The following WIZ variants were observed in gnomAD, a reference collection of about 807,000 sequenced individuals.
WIZ encodes the protein WIZ zinc finger.
Under a neutral mutation model 140.2 loss-of-function variants are expected in WIZ, and 25 were observed. That is an observed-to-expected ratio of 0.18 (90% CI 0.13 to 0.25). The LOEUF (loss-of-function observed/expected upper bound fraction) is 0.25. Among genes scored for constraint, WIZ ranks in the 10% least tolerant of loss-of-function variants. The probability of loss-of-function intolerance (pLI) is 1.00; values close to 1 mark genes in which losing one functional copy is unlikely to be tolerated. For missense variants in WIZ, 2,231 were observed against 2,632.6 expected, an observed-to-expected ratio of 0.85 and a Z score of 3.34; for synonymous variants, 1,125 against 1,154.3, an observed-to-expected ratio of 0.97 and a Z score of 0.51.
chr19:15,430,313 A>G (rs565237196), intron 6 of WIZ, among the ~76,000 whole-genome samples: 39 of 152,366 alleles, frequency 2.6e-4, no homozygotes, highest in Non-Finnish European at 5.1e-4. Context: ...AGTTGTGCCC[A>G]AGGGCACACA....
At chr19:15,434,058 C>A (rs1469721752) in intron 5 of WIZ, among the ~76,000 whole-genome samples, 1 of 151,870 alleles carries the variant, frequency 6.6e-6, no homozygotes, top group African/African-American at 2.4e-5. Context: ...AGTTTGAGAC[C>A]AGCCTGGACA....
At position 15,424,170 on chromosome 19, in the gene WIZ, A is replaced by T; in HGVS notation, c.5510+13T>A. The T allele has an allele frequency of 6.7e-7, 1 of 1,498,236 alleles. No homozygotes were observed. Among genetic ancestry groups the T allele is most frequent in the Non-Finnish European group, 8.9e-7 (1 of 1,124,570 alleles). 92.8% of individuals were successfully genotyped at this position (1,498,236 alleles called of 1,614,324 possible). On this transcript the variant is annotated intron_variant, in intron 12 of 12. Coordinates refer to ENST00000673675, the MANE Select transcript of WIZ (RefSeq NM_001371589.1). The surrounding 1 kb of genome is among the most constrained non-coding windows in gnomAD (Gnocchi z 9.7). ...CTCAGGTGGTCTCCCTCCCTCCCCC[A>T]GGGGCAGCCTACCTGCATTTGAGGG...
Position 15,444,574 on chromosome 19 carries a change from G to A in WIZ, c.206-1826C>T, listed in dbSNP as rs553015204. Among the ~76,000 whole-genome samples, 7 of 152,228 alleles carry A rather than the reference G, an allele frequency of 4.6e-5. No homozygotes were observed. In the South Asian group the frequency reaches 1.2e-3, roughly 27 times the overall value. On this transcript the variant is annotated intron_variant, in intron 2 of 12. Transcript: ENST00000673675. ...CAAAGTGTCCCCTGGAGGGGGAGGC[G>A]AATCACCCCCATTTGAGAACCACCA...
Position 15,438,683 on chromosome 19 carries a change from G to A in WIZ, c.2311C>T (p.His771Tyr). ...TAGCTGACGCCCACGCGGTTCAGGT[G>A]GCCCCGGACGTGGTTGGCCAAGCCG... Reference protein sequence around the residue: ...GIGLANHVRGHLNRVGVSYNV... With the variant: ...GIGLANHVRGYLNRVGVSYNV... The change falls in exon 4 of 13, where the codon CAC becomes TAC. Residue 771 changes from histidine (H) to tyrosine (Y), a missense_variant. This residue lies in a region of WIZ where 118 missense variants were observed against 209.1 expected (regional missense o/e 0.56). Coordinates refer to ENST00000673675, the MANE Select transcript of WIZ (RefSeq NM_001371589.1). 1 of 1,536,170 alleles carries A rather than the reference G, an allele frequency of 6.5e-7. No homozygotes were observed. The highest frequency in any genetic ancestry group is 8.7e-7 in the Non-Finnish European group (1 of 1,146,880).
chr19:15,446,048 C>A (rs1969908236), intron 2 of WIZ, among the ~76,000 whole-genome samples: 1 of 152,164 alleles, frequency 6.6e-6, no homozygotes, highest in African/African-American at 2.4e-5. Context: ...CCCAGGCATT[C>A]TTCCAACATT....
In WIZ at chr19:15,428,292, T is replaced by G. The variant is rs1051330243; in HGVS notation, c.3632A>C (p.His1211Pro). The change falls in exon 8 of 13, where the codon CAC becomes CCC. Residue 1211 changes from histidine (H) to proline (P), a missense_variant. Transcript: ENST00000673675. The surrounding 1 kb of genome is among the most constrained non-coding windows in gnomAD (Gnocchi z 6.4). The stretch of plus-strand genomic sequence containing the variant: ...GGAGGTGGGAGGCGGCCGCCCCGGG[T>G]GGGCCAGGGCGCCGCGCCTGGGTGG... ...RLPPRRGALA[H>P]PGRPPPTSAA... 1 of 1,528,378 alleles carries G rather than the reference T, an allele frequency of 6.5e-7. No homozygotes were observed. Among genetic ancestry groups the G allele is most frequent in the Non-Finnish European group, 8.7e-7 (1 of 1,143,912 alleles). 94.7% of individuals were successfully genotyped at this position (1,528,378 alleles called of 1,614,324 possible).
chr19:15,429,634 G>A lies in WIZ; in HGVS notation c.3367C>T (p.Pro1123Ser), dbSNP rs944010205. 117 of 1,419,604 alleles carry A rather than the reference G, an allele frequency of 8.2e-5. No homozygotes were observed. The highest frequency in any genetic ancestry group is 1.0e-4 in the Non-Finnish European group (110 of 1,089,800). The allele number at this position is 1,419,604 out of a possible 1,614,324, so 87.9% of individuals were successfully genotyped here. A position where few individuals can be genotyped will look rare whatever the true frequency, so the allele number is the denominator to read the frequency against. ...QLSLSPRPAS[P>S]KAQWPQSEDE... ...TCAGACTGAGGCCACTGTGCCTTTG[G>A]GGAGGCCGGCCGGGGGCTCAGGGAC... Residue 1123 changes from proline (P) to serine (S), a missense_variant, in exon 7 of 13, where the codon CCA (proline) becomes TCA (serine). Physicochemically the swap from Pro to Ser is moderately conservative, Grantham distance 74 (BLOSUM62 -1). This residue lies in a region of WIZ where 163 missense variants were observed against 166.8 expected (regional missense o/e 0.98). Transcript: ENST00000673675.
rs773445664 is a variant in WIZ, at chr19:15,427,539, G to C, written c.3815-6C>G. The stretch of plus-strand genomic sequence containing the variant: ...TGCTGGCTCTGGGCCTGAGGCTGCA[G>C]CAGGAGGAGAAAGGGGCAGTTAGCA... On this transcript the variant is annotated splice_region_variant and splice_polypyrimidine_tract_variant and intron_variant, in intron 8 of 12. Transcript: ENST00000673675. This position sits in a 1 kb window ranked among gnomAD's most constrained non-coding sequence, Gnocchi z 6.4. The C allele has an allele frequency of 6.2e-7, 1 of 1,600,764 alleles. No homozygotes were observed. The highest frequency in any genetic ancestry group is 2.2e-5 in the East Asian group (1 of 44,606).
At position 15,422,961 on chromosome 19, in the gene WIZ, G is replaced by C; in HGVS notation, c.*115C>G. On this transcript the variant is annotated 3_prime_UTR_variant, in exon 13 of 13. Transcript: ENST00000673675. ...CCCGGCCCCCAAGGGGCGCCGGTTTGAGGTTTTGGCTTGCTCCTTTGGAAA... is the reference window on the plus strand; with the variant it reads ...CCCGGCCCCCAAGGGGCGCCGGTTTCAGGTTTTGGCTTGCTCCTTTGGAAA... 6.8e-7 allele frequency: 1 copy of C among 1,462,230 alleles called. No homozygotes were observed. The highest frequency in any genetic ancestry group is 1.4e-5 in the South Asian group (1 of 73,262). 90.6% of individuals were successfully genotyped at this position (1,462,230 alleles called of 1,614,324 possible). A position where few individuals can be genotyped will look rare whatever the true frequency, so the allele number is the denominator to read the frequency against.
rs887069255 is a variant in WIZ at position 15,440,234 on chromosome 19, G to A, written c.760C>T (p.Leu254=). The change falls in exon 4 of 13, where the codon CTA becomes TTA. Residue 254 remains leucine, a synonymous_variant. Transcript: ENST00000673675. This position sits in a 1 kb window ranked among gnomAD's most constrained non-coding sequence, Gnocchi z 6.2. ...GCTACCTCCGAGGCTGACGTGGGTA[G>A]GCCCCACTCGGACGGCTGGGCCAGC... The part of the protein sequence containing the change: ...EGLAQPSEWG[L]PTSASEVATQ... 1 of 1,500,756 alleles carries A rather than the reference G, an allele frequency of 6.7e-7. No homozygotes were observed. Among genetic ancestry groups the A allele is most frequent in the Non-Finnish European group, 8.9e-7 (1 of 1,129,508 alleles). 93.0% of individuals were successfully genotyped at this position (1,500,756 alleles called of 1,614,324 possible).
At chr19:15,432,831 G>A (rs899463823) in intron 5 of WIZ, among the ~76,000 whole-genome samples, 4 of 151,566 alleles carry the variant, frequency 2.6e-5, no homozygotes, top group African/African-American at 7.3e-5. Context: ...AGGTTGGCCT[G>A]CCGAGTGCCG....
Position 15,428,647 on chromosome 19 carries a change from A to C in WIZ, c.3416-139T>G. 2 of 1,056,414 alleles carry C rather than the reference A, an allele frequency of 1.9e-6. No homozygotes were observed. The highest frequency in any genetic ancestry group is 2.7e-6 in the Non-Finnish European group (2 of 737,812). The allele number at this position is 1,056,414 out of a possible 1,614,324, so 65.4% of individuals were successfully genotyped here. ...AGACTCAGGCCGCAGATTTCTTTTG[A>C]AGTTTGGGAAGCAGGACATCCTGTT... is the stretch of plus-strand genomic sequence containing the variant. On this transcript the variant is annotated intron_variant, in intron 7 of 12. Coordinates refer to ENST00000673675, the MANE Select transcript of WIZ (RefSeq NM_001371589.1). The surrounding 1 kb of genome is among the most constrained non-coding windows in gnomAD (Gnocchi z 6.4).
chr19:15,428,137 C>T lies in WIZ; in HGVS notation c.3787G>A (p.Asp1263Asn), dbSNP rs1276052564. 1 of 1,534,418 alleles carries T rather than the reference C, an allele frequency of 6.5e-7. No individual in the cohort carries two copies. The highest frequency in any genetic ancestry group is 8.7e-7 in the Non-Finnish European group (1 of 1,146,768). ...AGGTTGAGAGGAGACGGCTCCACAT[C>T]AGAGGCCCAGAAAATGCCGGCGGCT... ...AAAAGIFWASDVEPSPLNLSS... is the reference protein window; with the variant it reads ...AAAAGIFWASNVEPSPLNLSS... The change falls in exon 8 of 13, where the codon GAT (aspartate) becomes AAT (asparagine). Residue 1263 changes from aspartate (D) to asparagine (N), a missense_variant. This residue lies in a region of WIZ where 141 missense variants were observed against 161.2 expected (regional missense o/e 0.87). Transcript: ENST00000673675. The surrounding 1 kb of genome is among the most constrained non-coding windows in gnomAD (Gnocchi z 6.4).
rs920896926 is a variant in WIZ, at chr19:15,439,674, G to A, written c.1320C>T (p.Ser440=). The A allele has an allele frequency of 1.9e-5, 28 of 1,501,258 alleles. No homozygotes were observed. The highest frequency in any genetic ancestry group is 2.5e-5 in the South Asian group (2 of 79,880). The allele number at this position is 1,501,258 out of a possible 1,614,324, so 93.0% of individuals were successfully genotyped here. ...QTTKEPFGGS[S]GAGSPSPEAS... is the part of the protein sequence containing the mutation. ...CCTCAGGGCTGGGGCTGCCAGCCCC[G>A]CTGCTGCCTCCAAAAGGCTCTTTGG... The change falls in exon 4 of 13, where the codon AGC becomes AGT. Residue 440 remains serine (S), a synonymous_variant. Coordinates refer to ENST00000673675, the MANE Select transcript of WIZ (RefSeq NM_001371589.1). This position sits in a 1 kb window ranked among gnomAD's most constrained non-coding sequence, Gnocchi z 7.0.
At chr19:15,423,681 C>T (rs1362585128) in intron 12 of WIZ, among the ~76,000 whole-genome samples, 1 of 152,224 alleles carries the variant, frequency 6.6e-6, no homozygotes, top group African/African-American at 2.4e-5. Flanking sequence ...ACTCTGACTT[C>T]TGACTTGGCC....
rs1422111724 is a variant in WIZ at position 15,429,751 on chromosome 19, G to A, written c.3250C>T (p.His1084Tyr). Residue 1084 changes from histidine (H) to tyrosine (Y), a missense_variant, in exon 7 of 13, where the codon CAC (histidine) becomes TAC (tyrosine). This residue lies in a region of WIZ where 163 missense variants were observed against 166.8 expected (regional missense o/e 0.98). Transcript: ENST00000673675. ...TTGAGGAGTGGAGAGCTGGGCGGGT[G>A]GCCCAGGCCCTTGGCCGAGAAGCCG... Reference protein sequence around the residue: ...PPGFSAKGLGHPPSSPLLKKT... With the variant: ...PPGFSAKGLGYPPSSPLLKKT... 18 of 1,487,984 alleles carry A rather than the reference G, an allele frequency of 1.2e-5. No individual in the cohort carries two copies. Among genetic ancestry groups the A allele is most frequent in the Non-Finnish European group, 1.5e-5 (17 of 1,121,900 alleles). The allele number at this position is 1,487,984 out of a possible 1,614,324, so 92.2% of individuals were successfully genotyped here.
chr19:15,425,516 A>C lies in WIZ; in HGVS notation c.4619T>G (p.Val1540Gly). The change falls in exon 10 of 13, where the codon GTG (valine) becomes GGG (glycine). Residue 1540 changes from valine (V) to glycine (G), a missense_variant. Val to Gly is a moderately radical substitution (Grantham distance 109). Coordinates refer to ENST00000673675, the MANE Select transcript of WIZ (RefSeq NM_001371589.1). The stretch of plus-strand genomic sequence containing the variant: ...TGGGGACTGCACGGGCCCAGGGGCC[A>C]CGGTGGGAGGCCCGTCCTCAGCCAG... ...PALAEDGPPT[V>G]APGPVQSPLP... The C allele has an allele frequency of 1.2e-6, 2 of 1,611,054 alleles. No individual in the cohort carries two copies. Among genetic ancestry groups the C allele is most frequent in the Non-Finnish European group, 1.7e-6 (2 of 1,178,816 alleles).
Position 15,439,038 on chromosome 19 carries a change from C to T in WIZ, c.1956G>A (p.Gln652=), listed in dbSNP as rs1230092026. ...SPLATPSLIP[Q]AALELKQAFR... Reference sequence around the variant, plus strand: ...ATGCCTGCTTCAGCTCCAGGGCCGCCTGCGGGATGAGGCTGGGGGTGGCTA... The same window carrying T: ...ATGCCTGCTTCAGCTCCAGGGCCGCTTGCGGGATGAGGCTGGGGGTGGCTA... The change falls in exon 4 of 13, where the codon CAG becomes CAA. Residue 652 remains glutamine, a synonymous_variant. Coordinates refer to ENST00000673675, the MANE Select transcript of WIZ (RefSeq NM_001371589.1). This position sits in a 1 kb window ranked among gnomAD's most constrained non-coding sequence, Gnocchi z 7.0. 1.3e-6 allele frequency: 2 copies of T among 1,498,384 alleles called. No homozygotes were observed. Among genetic ancestry groups the T allele is most frequent in the Non-Finnish European group, 8.9e-7 (1 of 1,128,010 alleles). 92.8% of individuals were successfully genotyped at this position (1,498,384 alleles called of 1,614,324 possible).
chr19:15,436,161 C>G lies in WIZ; in HGVS notation c.2740+645G>C, dbSNP rs1599691954. ...ATCTAGACTCTAGATCTGCACTATC[C>G]AATAGGATCCCCACTAGCCTGGCAC... On this transcript the variant is annotated intron_variant, in intron 5 of 12. Coordinates refer to ENST00000673675, the MANE Select transcript of WIZ (RefSeq NM_001371589.1). Among the ~76,000 whole-genome samples the G allele has an allele frequency of 2.0e-5, 3 of 152,302 alleles. 1 individual carries two copies. In the South Asian group the frequency reaches 6.2e-4, roughly 32 times the overall value.
Sources: gnomAD v4.1 joint callset for allele counts (sites outside exome capture counted in the v4.1 genomes callset) on GRCh38, gnomAD v4.1.1 for gene constraint, gnomAD v4.1.1 regional missense constraint, Gnocchi (gnomAD v3.1) non-coding constraint, MANE v1.5 for transcripts, NCBI Gene and HGNC (gene_info 2026-07-23, HGNC 2026-07-21) for gene names.